SEC14L5: variants seen among roughly 807,000 people sequenced by gnomAD.
The protein encoded by SEC14L5 is SEC14-like protein 5.
A neutral mutation model predicts 84.6 loss-of-function variants in SEC14L5; 96 were observed. The observed-to-expected ratio is 1.13, with a 90% CI of 0.96 to 1.34. The LOEUF (loss-of-function observed/expected upper bound fraction) is 1.34, where lower values mean the gene tolerates loss of function less well. Ranked by LOEUF, SEC14L5 falls within the 40% of genes most tolerant of loss-of-function variation. The pLI, the probability that SEC14L5 is intolerant of heterozygous loss-of-function variation, is 0.00. For synonymous variants in SEC14L5, 546 were observed against 383.4 expected, an observed-to-expected ratio of 1.42 and a Z score of -4.95; for missense variants, 1,224 against 942.5, an observed-to-expected ratio of 1.30 and a Z score of -3.91.
intron 14 of SEC14L5, among the ~76,000 whole-genome samples, chr16:5,010,365 G>GA (rs200952219): frequency 0.018 from 2,594 of 146,034 alleles, 67 homozygotes; most frequent in African/African-American, 0.061. Flanking sequence ...CTCCGTCTCA[G>GA]AAAAAAAAAA....
chr16:4,980,613 C>T (rs1356563196), intron 2 of SEC14L5, among the ~76,000 whole-genome samples: 1 of 152,170 alleles, frequency 6.6e-6, no homozygotes, highest in African/African-American at 2.4e-5. Flanking sequence ...TGCCGAGGAC[C>T]AAGCCCGGCA....
intron 2 of SEC14L5, among the ~76,000 whole-genome samples, chr16:4,982,584 G>C (rs372071235): frequency 3.7e-4 from 56 of 152,314 alleles, no homozygotes; most frequent in African/African-American, 9.6e-4. Context: ...ACCTGAATTG[G>C]CTCCGAGGAC....
chr16:4,971,875 T>C (rs1262145187), intron 2 of SEC14L5, among the ~76,000 whole-genome samples: 1 of 152,180 alleles, frequency 6.6e-6, no homozygotes, highest in Admixed American at 6.5e-5. Flanking sequence ...CCAGGTGTTG[T>C]ACAAGGCACC....
At chr16:5,000,328 G>A (rs1056793764) in intron 8 of SEC14L5, among the ~76,000 whole-genome samples, 1 of 152,144 alleles carries the variant, frequency 6.6e-6, no homozygotes, top group Non-Finnish European at 1.5e-5. Flanking sequence ...GTAGAGAAGA[G>A]GTCTCATTAT....
intron 6 of SEC14L5, 30 bp from the exon 7 acceptor site, chr16:4,996,318 T>C (rs1235553508): frequency 7.6e-7 from 1 of 1,318,292 alleles, no homozygotes; most frequent in East Asian, 2.5e-5. Context: ...CGTCTCCCTC[T>C]TGTCCTGAAG....
intron 8 of SEC14L5, among the ~76,000 whole-genome samples, chr16:4,998,333 G>A (rs973201994): frequency 4.6e-5 from 7 of 151,932 alleles, no homozygotes; most frequent in East Asian, 1.9e-4. Flanking sequence ...TGTCCCCATG[G>A]ATATGAGTTT....
At chr16:5,002,923 T>A (rs997715587) in intron 10 of SEC14L5, among the ~76,000 whole-genome samples, 11 of 152,190 alleles carry the variant, frequency 7.2e-5, no homozygotes, top group African/African-American at 2.4e-4. Context: ...ATGTTTTGAA[T>A]TTTTGCAATC....
At chr16:5,014,496 C>G (rs17137526) in intron 15 of SEC14L5, among the ~76,000 whole-genome samples, 4,481 of 152,318 alleles carry the variant, frequency 0.029, 238 homozygotes, top group African/African-American at 0.1. Flanking sequence ...TCAGCGCACA[C>G]GAAGGCCACT....
chr16:4,962,410 A>G (rs544132286), intron 2 of SEC14L5, among the ~76,000 whole-genome samples: 1 of 152,216 alleles, frequency 6.6e-6, no homozygotes, highest in South Asian at 2.1e-4. Context: ...ATCTGTGGCC[A>G]GGTATGGTGG....
intron 10 of SEC14L5, among the ~76,000 whole-genome samples, chr16:5,001,321 C>A (rs1955675461): frequency 6.7e-6 from 1 of 149,394 alleles, no homozygotes; most frequent in African/African-American, 2.5e-5. Context: ...TGCAGCGGTG[C>A]AATCTCAGTT....
chr16:5,008,675 G>T, intron 14 of SEC14L5, 27 bp downstream of exon 14: 1 of 1,581,632 alleles, frequency 6.3e-7, no homozygotes, highest in African/African-American at 1.4e-5. Context: ...CCACTCATTC[G>T]CTCACCAAGC....
At position 5,018,712 on chromosome 16, in the gene SEC14L5, A is replaced by C. The variant is rs1955900365; in HGVS notation, c.*3742A>C. On this transcript the variant is annotated 3_prime_UTR_variant, in exon 16 of 16. Coordinates refer to ENST00000251170, the MANE Select transcript of SEC14L5 (RefSeq NM_014692.2). ...TTTTCTGGGTAAGTCCACCCATCTG[A>C]GGGAGTGTATTCTGAGTGGTATTTC... 1 of 152,136 alleles carries C rather than the reference A, an allele frequency of 6.6e-6. No individual in the cohort carries two copies. The highest frequency in any genetic ancestry group is 6.6e-5 in the Admixed American group (1 of 15,262). 9.4% of individuals were successfully genotyped at this position (152,136 alleles called of 1,614,324 possible).
chr16:4,993,254 A>G (rs991299787), intron 6 of SEC14L5, among the ~76,000 whole-genome samples: 1 of 151,996 alleles, frequency 6.6e-6, no homozygotes, highest in Non-Finnish European at 1.5e-5. Flanking sequence ...TTAATTAATT[A>G]TTTTTGAAGT....
At chr16:5,001,162 C>T (rs1266503074) in intron 10 of SEC14L5, among the ~76,000 whole-genome samples, 1 of 151,830 alleles carries the variant, frequency 6.6e-6, no homozygotes, top group African/African-American at 2.4e-5. Flanking sequence ...CCGGTCAGGA[C>T]AGAGCTGGAT....
intron 2 of SEC14L5, among the ~76,000 whole-genome samples, chr16:4,983,094 C>A (rs890727010): frequency 3.3e-5 from 5 of 152,068 alleles, no homozygotes; most frequent in African/African-American, 4.8e-5. Flanking sequence ...CCTCTGCTTC[C>A]TGGGTTCAAG....
intron 11 of SEC14L5, among the ~76,000 whole-genome samples, 163 bp from the exon 12 acceptor site, chr16:5,005,751 C>T (rs1311508745): frequency 1.3e-5 from 2 of 150,648 alleles, no homozygotes. Flanking sequence ...GTAGTCCCAG[C>T]TACTCGGGAG....
At position 4,959,303 on chromosome 16, in the gene SEC14L5, C is replaced by T. The variant is rs147900777; in HGVS notation, c.-21C>T. 1,248 of 1,608,386 alleles carry T rather than the reference C, an allele frequency of 7.8e-4. 10 individuals carry two copies. In the African/African-American group the frequency reaches 0.015, roughly 19 times the overall value. ...GTGCACACCCCTGCCTGGTGACCTC[C>T]ATTGGTGCTCCAGCGTGAACATGGT... On this transcript the variant is annotated 5_prime_UTR_variant, in exon 2 of 16. Transcript: ENST00000251170.
chr16:5,014,094 C>G (rs553091604), intron 15 of SEC14L5, among the ~76,000 whole-genome samples: 1 of 152,322 alleles, frequency 6.6e-6, no homozygotes, highest in East Asian at 1.9e-4. Flanking sequence ...CCTATCTGGT[C>G]GCTGCTAGTC....
chr16:4,987,370 G>T (rs986132515), intron 2 of SEC14L5, among the ~76,000 whole-genome samples, 187 bp from the exon 3 acceptor site: 2 of 152,166 alleles, frequency 1.3e-5, no homozygotes, highest in Non-Finnish European at 2.9e-5. Context: ...GCTCTGCTGT[G>T]TTGGGCTCTA....
Sources: gnomAD v4.1 joint callset for allele counts (sites outside exome capture counted in the v4.1 genomes callset) on GRCh38, gnomAD v4.1.1 for gene constraint, MANE v1.5 for transcripts, NCBI Gene and HGNC (gene_info 2026-07-23, HGNC 2026-07-21) for gene names.